Variants in CFTR observed in about 807,000 individuals in gnomAD.
CFTR encodes cystic fibrosis transmembrane conductance regulator.
Under a neutral mutation model 171.6 loss-of-function variants are expected in CFTR, and 181 were observed. The ratio of observed to expected loss-of-function variants is 1.05; its 90% CI spans 0.93 to 1.19. CFTR has a LOEUF of 1.19. Among genes scored for constraint, CFTR ranks in the 50% most tolerant of loss-of-function variants. The pLI, the probability that CFTR is intolerant of heterozygous loss-of-function variation, is 0.00. For synonymous variants in CFTR, 583 were observed against 608.0 expected, an observed-to-expected ratio of 0.96 and a Z score of 0.60; for missense variants, 1,968 against 1,734.7, an observed-to-expected ratio of 1.13 and a Z score of -2.39.
At chr7:117,632,691 G>T (rs1235627286) in intron 22 of CFTR, among the ~76,000 whole-genome samples, 1 of 152,184 alleles carries the variant, frequency 6.6e-6, no homozygotes. Flanking sequence ...AAGAAGCTAT[G>T]TAGAACACTA....
intron 26 of CFTR, 31 bp downstream of exon 26, chr7:117,665,595 A>C: frequency 7.0e-6 from 9 of 1,282,526 alleles, no homozygotes; most frequent in Non-Finnish European, 8.0e-6. Flanking sequence ...TTAAGATCTC[A>C]TTGCCCTTGT....
intron 11 of CFTR, among the ~76,000 whole-genome samples, chr7:117,577,609 T>C (rs905153644): frequency 2.6e-5 from 4 of 152,266 alleles, no homozygotes; most frequent in Middle Eastern, 3.4e-3. Flanking sequence ...TCCTCAGTAT[T>C]ATCTAATGGC....
chr7:117,494,246 T>C (rs897772792), intron 1 of CFTR, among the ~76,000 whole-genome samples: 3 of 151,868 alleles, frequency 2.0e-5, no homozygotes, highest in African/African-American at 7.3e-5. Context: ...AATTACACAG[T>C]ATTTTTTTTT....
chr7:117,658,835 C>T (rs1793221052), intron 24 of CFTR, among the ~76,000 whole-genome samples: 1 of 152,190 alleles, frequency 6.6e-6, no homozygotes, highest in African/African-American at 2.4e-5. Flanking sequence ...GTTCCTGGCT[C>T]ATTTCCCTCA....
At chr7:117,612,034 TATATATATATATATATATAC>T (rs1376575582) in intron 20 of CFTR, among the ~76,000 whole-genome samples, 1,052 of 77,222 alleles carry the variant, frequency 0.014, 30 homozygotes, top group African/African-American at 0.052. Context: ...TATATATATA[TATATATATATATATATATAC>T]ATATATATAT....
Position 117,664,777 on chromosome 7 carries a change from G to C in CFTR, c.4053G>C (p.Lys1351Asn), listed in dbSNP as rs763602969. The C allele has an allele frequency of 1.2e-6, 2 of 1,614,062 alleles. No homozygotes were observed. The highest frequency in any genetic ancestry group is 1.7e-6 in the Non-Finnish European group (2 of 1,179,938). Reference sequence around the variant, plus strand: ...GCTGTGTCCTAAGCCATGGCCACAAGCAGTTGATGTGCTTGGCTAGATCTG... The same window carrying C: ...GCTGTGTCCTAAGCCATGGCCACAACCAGTTGATGTGCTTGGCTAGATCTG... ...DGGCVLSHGH[K>N]QLMCLARSVL... The change falls in exon 25 of 27, where the codon AAG (lysine) becomes AAC (asparagine). Residue 1351 changes from lysine to asparagine, a missense_variant. Lys to Asn is a moderately conservative substitution (Grantham distance 94). Transcript: ENST00000003084.
At chr7:117,490,312 T>TAC (rs3034759) in intron 1 of CFTR, among the ~76,000 whole-genome samples, 47,826 of 136,516 alleles carry the variant, frequency 0.35, 9,094 homozygotes, top group Middle Eastern at 0.47. Context: ...GAACCAATGA[T>TAC]ACACACACAC....
chr7:117,654,522 G>A (rs557764183), intron 24 of CFTR, among the ~76,000 whole-genome samples: 1 of 152,234 alleles, frequency 6.6e-6, no homozygotes, highest in South Asian at 2.1e-4. Context: ...GGGACCTGGT[G>A]AGAGGTGACT....
At chr7:117,563,769 T>G (rs2115952209) in intron 11 of CFTR, among the ~76,000 whole-genome samples, 1 of 152,336 alleles carries the variant, frequency 6.6e-6, no homozygotes, top group Admixed American at 6.5e-5. Flanking sequence ...CAATTTATGC[T>G]TCTTCTTTGC....
intron 3 of CFTR, among the ~76,000 whole-genome samples, chr7:117,512,796 A>C (rs1455541203): frequency 6.6e-6 from 1 of 152,144 alleles, no homozygotes; most frequent in Admixed American, 6.5e-5. Context: ...ATTTATTATG[A>C]TAAGAAATTC....
rs1562911760 is a variant in CFTR at position 117,603,771 on chromosome 7, C to T, written c.2897C>T (p.Thr966Met). The change falls in exon 17 of 27, where the codon ACG (threonine) becomes ATG (methionine). Residue 966 changes from threonine to methionine, a missense_variant. Transcript: ENST00000003084. ...VLQAPMSTLN[T>M]LKAGGILNRF... ...CAAGCACCTATGTCAACCCTCAACA[C>T]GTTGAAAGCAGGTACTTTACTAGGT... is the stretch of plus-strand genomic sequence containing the variant. 1.2e-6 allele frequency: 2 copies of T among 1,613,860 alleles called. No individual in the cohort carries two copies. The highest frequency in any genetic ancestry group is 1.7e-6 in the Non-Finnish European group (2 of 1,179,888).
chr7:117,666,388 C>G (rs188879923), intron 26 of CFTR, among the ~76,000 whole-genome samples: 46 of 152,204 alleles, frequency 3.0e-4, no homozygotes, highest in African/African-American at 1.1e-3. Flanking sequence ...CTTGAAGTAA[C>G]AAATTAGGGG....
intron 7 of CFTR, among the ~76,000 whole-genome samples, chr7:117,537,860 G>A (rs1798983186): frequency 6.6e-6 from 1 of 152,078 alleles, no homozygotes; most frequent in Non-Finnish European, 1.5e-5. Context: ...CACTTGCTGA[G>A]TGCTCCATCA....
In CFTR at chr7:117,534,315, A is replaced by T. The variant is rs1267579802; in HGVS notation, c.529A>T (p.Ile177Phe). 14 of 1,605,318 alleles carry T rather than the reference A, an allele frequency of 8.7e-6. No homozygotes were observed. Among genetic ancestry groups the T allele is most frequent in the Non-Finnish European group, 1.2e-5 (14 of 1,172,554 alleles). The change falls in exon 5 of 27, where the codon ATT becomes TTT. Residue 177 changes from isoleucine (I) to phenylalanine (F), a missense_variant. Physicochemically the swap from Ile to Phe is conservative, Grantham distance 21. Coordinates refer to ENST00000003084, the MANE Select transcript of CFTR (RefSeq NM_000492.4). Reference sequence around the variant, plus strand: ...AAGCCGTGTTCTAGATAAAATAAGTATTGGACAACTTGTTAGTCTCCTTTC... The same window carrying T: ...AAGCCGTGTTCTAGATAAAATAAGTTTTGGACAACTTGTTAGTCTCCTTTC... The part of the protein sequence containing the change: ...LSSRVLDKIS[I>F]GQLVSLLSNN...
At chr7:117,599,318 C>T (rs573951620) in intron 15 of CFTR, among the ~76,000 whole-genome samples, 1 of 152,054 alleles carries the variant, frequency 6.6e-6, no homozygotes, top group African/African-American at 2.4e-5. Context: ...ATTTATAGGA[C>T]CTTTGTCTCA....
At chr7:117,564,268 G>T (rs73715574) in intron 11 of CFTR, among the ~76,000 whole-genome samples, 3,742 of 152,250 alleles carry the variant, frequency 0.025, 158 homozygotes, top group African/African-American at 0.086. Flanking sequence ...GCACGTGATT[G>T]CTGGGAGTAA....
At chr7:117,491,534 G>T (rs929047432) in intron 1 of CFTR, among the ~76,000 whole-genome samples, 1 of 152,024 alleles carries the variant, frequency 6.6e-6, no homozygotes, top group Non-Finnish European at 1.5e-5. Flanking sequence ...CCATGAGGAA[G>T]AGTCTATTCC....
chr7:117,484,946 T>C (rs746128101), intron 1 of CFTR, among the ~76,000 whole-genome samples: 2 of 152,158 alleles, frequency 1.3e-5, no homozygotes, highest in African/African-American at 2.4e-5. Context: ...TCTTAGCTAC[T>C]TCATCAATAT....
intron 2 of CFTR, among the ~76,000 whole-genome samples, chr7:117,507,653 T>C (rs1490325719): frequency 6.6e-6 from 1 of 152,000 alleles, no homozygotes; most frequent in African/African-American, 2.4e-5. Context: ...GGGAGGGAAA[T>C]AGATGGGAAA....
Sources: gnomAD v4.1 joint callset for allele counts (sites outside exome capture counted in the v4.1 genomes callset) on GRCh38, gnomAD v4.1.1 for gene constraint, MANE v1.5 for transcripts, NCBI Gene and HGNC (gene_info 2026-07-23, HGNC 2026-07-21) for gene names.